ABI3BP: variants seen among roughly 807,000 people sequenced by gnomAD.
ABI3BP encodes the protein ABI family member 3 binding protein, also known as target of Nesh-SH3.
A neutral mutation model predicts 268.6 loss-of-function variants in ABI3BP; 216 were observed. The observed-to-expected ratio is 0.80, with a 90% CI of 0.72 to 0.90. The LOEUF (loss-of-function observed/expected upper bound fraction) is 0.90. Among genes scored for constraint, ABI3BP ranks in the 40% least tolerant of loss-of-function variants. The pLI, the probability that ABI3BP is intolerant of heterozygous loss-of-function variation, is 0.00. For missense variants in ABI3BP, 2,090 were observed against 2,182.4 expected, an observed-to-expected ratio of 0.96 and a Z score of 0.84; for synonymous variants, 730 against 730.0, an observed-to-expected ratio of 1.00 and a Z score of 0.00.
intron 2 of ABI3BP, among the ~76,000 whole-genome samples, chr3:100,917,062 T>C (rs2058819804): frequency 6.6e-6 from 1 of 152,190 alleles, no homozygotes; most frequent in Non-Finnish European, 1.5e-5. Context: ...AGTTGAATAA[T>C]TTTTTCTCCT....
intron 14 of ABI3BP, among the ~76,000 whole-genome samples, chr3:100,853,376 G>A (rs765346905): frequency 1.1e-4 from 17 of 152,110 alleles, no homozygotes; most frequent in Non-Finnish European, 2.1e-4. Flanking sequence ...AAAAGTGCCC[G>A]CAATTTCTGA....
chr3:100,853,292 T>C (rs974308255), intron 14 of ABI3BP, among the ~76,000 whole-genome samples: 40 of 152,204 alleles, frequency 2.6e-4, no homozygotes, highest in Admixed American at 1.3e-4. Flanking sequence ...TATATTGTAA[T>C]GTCAAGTTTC....
At position 100,874,796 on chromosome 3, in the gene ABI3BP, G is replaced by A. The variant is rs370805130; in HGVS notation, c.910+45C>T. ...GGATTTCCTAAGAATATCAGTGCTA[G>A]TACTCAGTTACTGCAAAGTTCAAAT... On this transcript the variant is annotated intron_variant, in intron 9 of 67. Transcript: ENST00000471714. 27 of 1,149,064 alleles carry A rather than the reference G, an allele frequency of 2.3e-5. No individual in the cohort carries two copies. In the Admixed American group the frequency reaches 3.7e-4, roughly 16 times the overall value. The allele number at this position is 1,149,064 out of a possible 1,614,324, so 71.2% of individuals were successfully genotyped here.
intron 2 of ABI3BP, among the ~76,000 whole-genome samples, chr3:100,913,897 A>ATTATTATTATTATT (rs1216379517): frequency 1.3e-5 from 2 of 152,160 alleles, no homozygotes; most frequent in Non-Finnish European, 2.9e-5. Context: ...TTATTCATGT[A>ATTATTATTATTATT]CCTCTAAACA....
intron 27 of ABI3BP, among the ~76,000 whole-genome samples, chr3:100,836,840 T>C (rs1409724057): frequency 6.6e-6 from 1 of 152,140 alleles, no homozygotes; most frequent in Non-Finnish European, 1.5e-5. Flanking sequence ...TCAAAAAATT[T>C]TCTGGTTTGA....
intron 61 of ABI3BP, among the ~76,000 whole-genome samples, chr3:100,771,285 A>T (rs1230964734): frequency 6.6e-6 from 1 of 152,230 alleles, no homozygotes; most frequent in African/African-American, 2.4e-5. Flanking sequence ...TACTAAACAC[A>T]GTTCTGGTCC....
intron 42 of ABI3BP, 34 bp from the exon 43 acceptor site, chr3:100,816,802 G>T: frequency 6.6e-7 from 1 of 1,511,098 alleles, no homozygotes. Context: ...CTCTAGTGCA[G>T]GTGGCTTTGG....
chr3:100,919,177 A>AT (rs562177900), intron 2 of ABI3BP, among the ~76,000 whole-genome samples: 133 of 151,432 alleles, frequency 8.8e-4, no homozygotes, highest in Admixed American at 4.2e-3. Flanking sequence ...TTCATAAGTT[A>AT]TTTTTTTCAT....
rs762754620 is a variant in ABI3BP, at chr3:100,754,653, T to C, written c.4889A>G (p.Glu1630Gly). ...FQVKPKNPLG[E>G]GPVSNTVAFS... ...TGCCACTGTGTTGCTGACCGGGCCTTCACCAAGCGGGTTTTTGGGTTTCAC... is the reference window on the plus strand; with the variant it reads ...TGCCACTGTGTTGCTGACCGGGCCTCCACCAAGCGGGTTTTTGGGTTTCAC... Residue 1630 changes from glutamate (E) to glycine (G), a missense_variant, in exon 64 of 68, where the codon GAA becomes GGA. Coordinates refer to ENST00000471714, the MANE Select transcript of ABI3BP (RefSeq NM_001375547.2). 2.4e-5 allele frequency: 39 copies of C among 1,593,476 alleles called. No homozygotes were observed. The highest frequency in any genetic ancestry group is 2.8e-5 in the Non-Finnish European group (33 of 1,169,024).
chr3:100,856,142 T>A (rs984134768), intron 14 of ABI3BP, among the ~76,000 whole-genome samples: 5 of 152,182 alleles, frequency 3.3e-5, no homozygotes, highest in Non-Finnish European at 7.4e-5. Context: ...TCTGTGCTAA[T>A]CAACACCTTA....
At chr3:100,873,729 C>A (rs1451044104) in intron 9 of ABI3BP, among the ~76,000 whole-genome samples, 1 of 152,194 alleles carries the variant, frequency 6.6e-6, no homozygotes, top group Non-Finnish European at 1.5e-5. Flanking sequence ...ACAGATAAGG[C>A]CCCCAGTAGG....
At chr3:100,798,816 A>G (rs2097434304) in intron 51 of ABI3BP, among the ~76,000 whole-genome samples, 1 of 152,224 alleles carries the variant, frequency 6.6e-6, no homozygotes, top group Non-Finnish European at 1.5e-5. Flanking sequence ...GGCTACAAAG[A>G]GACTGATTCT....
intron 4 of ABI3BP, among the ~76,000 whole-genome samples, chr3:100,891,996 A>C (rs986116064): frequency 6.6e-6 from 1 of 152,202 alleles, no homozygotes; most frequent in Admixed American, 6.5e-5. Context: ...TTTAAATCCC[A>C]TTCCATTGAC....
chr3:100,876,343 C>T (rs2099160803), intron 7 of ABI3BP, among the ~76,000 whole-genome samples, 169 bp downstream of exon 7: 1 of 151,730 alleles, frequency 6.6e-6, no homozygotes, highest in African/African-American at 2.4e-5. Flanking sequence ...GTAAAAGAGC[C>T]AAAATTATCC....
Position 100,808,290 on chromosome 3 carries a change from C to T in ABI3BP, c.3608-55G>A, listed in dbSNP as rs112791572. Reference sequence around the variant, plus strand: ...TTGAGCCCTTCAAGAATGACAGTACCTAAGCCTCTAGAAGCTCAGGGATGT... The same window carrying T: ...TTGAGCCCTTCAAGAATGACAGTACTTAAGCCTCTAGAAGCTCAGGGATGT... On this transcript the variant is annotated intron_variant, in intron 49 of 67. Coordinates refer to ENST00000471714, the MANE Select transcript of ABI3BP (RefSeq NM_001375547.2). The T allele has an allele frequency of 9.8e-4, 1,326 of 1,347,376 alleles. 11 individuals are homozygous for T. The African/African-American group carries it at 0.018, about 18-fold the overall frequency. The allele number at this position is 1,347,376 out of a possible 1,614,324, so 83.5% of individuals were successfully genotyped here. A position where few individuals can be genotyped will look rare whatever the true frequency, so the allele number is the denominator to read the frequency against.
At chr3:100,768,861 A>T (rs1577049561) in intron 62 of ABI3BP, among the ~76,000 whole-genome samples, 1 of 152,194 alleles carries the variant, frequency 6.6e-6, no homozygotes, top group East Asian at 1.9e-4. Flanking sequence ...GAAGTTGCCC[A>T]AGGATCCAGG....
intron 33 of ABI3BP, among the ~76,000 whole-genome samples, chr3:100,829,139 T>TAAAA (rs201153906): frequency 7.8e-6 from 1 of 127,692 alleles, no homozygotes; most frequent in Non-Finnish European, 1.5e-5. Flanking sequence ...TAAGTGGTTG[T>TAAAA]TAAAAAAAAA....
chr3:100,952,264 A>G (rs564901791), intron 1 of ABI3BP, among the ~76,000 whole-genome samples: 1 of 152,352 alleles, frequency 6.6e-6, no homozygotes, highest in South Asian at 2.1e-4. Flanking sequence ...CAATTCAAGT[A>G]TACTTGAAAA....
chr3:100,935,926 G>A (rs964738415), intron 1 of ABI3BP, among the ~76,000 whole-genome samples: 9 of 152,288 alleles, frequency 5.9e-5, no homozygotes, highest in Non-Finnish European at 1.2e-4. Context: ...TCTGCAAACA[G>A]AGACAATTTG....
Sources: allele counts gnomAD v4.1 joint callset (sites outside exome capture counted in the v4.1 genomes callset), GRCh38; gene constraint gnomAD v4.1.1; transcripts MANE v1.5; gene names NCBI Gene and HGNC (gene_info 2026-07-23, HGNC 2026-07-21).